Variants in GLOD4 observed in about 807,000 individuals in gnomAD.
GLOD4 encodes the protein glyoxalase domain containing 4, also known as glyoxalase domain-containing protein 4.
Under a neutral mutation model 39.1 loss-of-function variants are expected in GLOD4, and 44 were observed. The ratio of observed to expected loss-of-function variants is 1.13; its 90% CI spans 0.88 to 1.45. The LOEUF is 1.45. Among genes scored for constraint, GLOD4 ranks in the 40% most tolerant of loss-of-function variants. GLOD4 has a pLI of 0.00. For missense variants in GLOD4, 405 were observed against 366.4 expected, an observed-to-expected ratio of 1.11 and a Z score of -0.86; for synonymous variants, 145 against 135.0, an observed-to-expected ratio of 1.07 and a Z score of -0.52.
upstream of GLOD4, chr17:783,527 G>T: frequency 2.3e-6 from 1 of 436,470 alleles, no homozygotes. Context: ...AGTAGAGGTG[G>T]GGTTTCACCA....
upstream of GLOD4, among the ~76,000 whole-genome samples, chr17:785,797 A>C (rs1158858433): frequency 6.6e-6 from 1 of 152,250 alleles, no homozygotes; most frequent in African/African-American, 2.4e-5. Flanking sequence ...ATGAGTGATA[A>C]AGGAAAGATA....
At chr17:780,773 A>C (rs1909782022) in intron 1 of GLOD4, 1 of 152,960 alleles carries the variant, frequency 6.5e-6, no homozygotes. Flanking sequence ...AGTCAACTCG[A>C]ATACAAGGTC....
intron 8 of GLOD4, among the ~76,000 whole-genome samples, chr17:768,053 TGA>T (rs1188943178): frequency 5.1e-5 from 7 of 138,262 alleles, no homozygotes; most frequent in East Asian, 2.3e-4. Context: ...GGAGAGGACG[TGA>T]GAGAGAGAAA....
chr17:761,235 G>A (rs1382543985), intron 8 of GLOD4, among the ~76,000 whole-genome samples: 2 of 152,122 alleles, frequency 1.3e-5, no homozygotes, highest in African/African-American at 4.8e-5. Context: ...AAGATGAGGT[G>A]GCAATTGAAA....
rs1233523968 is a variant in GLOD4, at chr17:759,709, G to C, written c.*464C>G. On this transcript the variant is annotated 3_prime_UTR_variant, in exon 9 of 9. Transcript: ENST00000301329. ...AAAATTTCTTTAAAAAATTTAAAACGTCAAAACCTGCCAGAATAAGACAAT... is the reference window on the plus strand; with the variant it reads ...AAAATTTCTTTAAAAAATTTAAAACCTCAAAACCTGCCAGAATAAGACAAT... The C allele has an allele frequency of 6.5e-6, 1 of 152,810 alleles. No individual in the cohort carries two copies. Among genetic ancestry groups the C allele is most frequent in the African/African-American group, 2.4e-5 (1 of 41,406 alleles). 9.5% of individuals were successfully genotyped at this position (152,810 alleles called of 1,614,324 possible).
intron 2 of GLOD4, chr17:778,363 G>C: frequency 2.3e-6 from 1 of 438,588 alleles, no homozygotes. Flanking sequence ...GGTAGAGTCA[G>C]AATCAATTAA....
intron 4 of GLOD4, among the ~76,000 whole-genome samples, chr17:771,833 T>C (rs576733815): frequency 4.6e-5 from 7 of 152,046 alleles, no homozygotes; most frequent in African/African-American, 1.7e-4. Context: ...GGCAAAACCC[T>C]GTCTCTACTA....
chr17:763,311 C>G (rs1905857143), intron 8 of GLOD4, among the ~76,000 whole-genome samples: 1 of 152,006 alleles, frequency 6.6e-6, no homozygotes, highest in Non-Finnish European at 1.5e-5. Context: ...AGTTCGAGAC[C>G]AGCCTAGCCA....
chr17:777,357 G>A (rs929115387), intron 2 of GLOD4: 2 of 186,608 alleles, frequency 1.1e-5, no homozygotes, highest in African/African-American at 4.6e-5. Flanking sequence ...AAGCTTAAGA[G>A]ATGGACGGGC....
At chr17:781,730 T>C (rs1909996261) in intron 1 of GLOD4, 1 of 161,328 alleles carries the variant, frequency 6.2e-6, no homozygotes, top group Non-Finnish European at 1.4e-5. Context: ...AGAGACTGAG[T>C]ATCCGAAACG....
chr17:766,158 C>T (rs995269490), intron 8 of GLOD4, among the ~76,000 whole-genome samples: 4 of 151,782 alleles, frequency 2.6e-5, no homozygotes, highest in Non-Finnish European at 4.4e-5. Flanking sequence ...ATTAGCCAGG[C>T]ATGGTGGCGC....
At chr17:768,346 A>C (rs1271918706) in intron 8 of GLOD4, among the ~76,000 whole-genome samples, 4 of 149,094 alleles carry the variant, frequency 2.7e-5, no homozygotes, top group African/African-American at 1.0e-4. Context: ...AGAGAGAAAC[A>C]GCGCGCACTC....
chr17:772,187 G>GAAAAAAAAAAAAAAAAAAA (rs58914913), intron 4 of GLOD4, among the ~76,000 whole-genome samples: 5 of 50,870 alleles, frequency 9.8e-5, no homozygotes, highest in Non-Finnish European at 1.0e-4. Context: ...ACCCTATCTC[G>GAAAAAAAAAAAAAAAAAAA]AAAAAAAAAA....
At chr17:775,041 G>A (rs1234630473) in intron 4 of GLOD4, among the ~76,000 whole-genome samples, 1 of 150,470 alleles carries the variant, frequency 6.6e-6, no homozygotes, top group East Asian at 1.9e-4. Context: ...CTGCACTCTA[G>A]CCTGGGCGAC....
chr17:763,720 T>C (rs1905953662), intron 8 of GLOD4: 1 of 152,162 alleles, frequency 6.6e-6, no homozygotes, highest in South Asian at 2.1e-4. Flanking sequence ...TATGTAATAT[T>C]ACTGGAAGAA....
chr17:763,555 A>G (rs999854165), intron 8 of GLOD4: 3 of 152,152 alleles, frequency 2.0e-5, no homozygotes, highest in African/African-American at 4.8e-5. Flanking sequence ...TAAAGCACTT[A>G]AGAACGTACC....
chr17:779,985 A>G (rs913801084), intron 1 of GLOD4, among the ~76,000 whole-genome samples: 1 of 152,082 alleles, frequency 6.6e-6, no homozygotes, highest in African/African-American at 2.4e-5. Flanking sequence ...TAACACAGTA[A>G]AACCCCATCT....
At position 768,682 on chromosome 17, in the gene GLOD4, G is replaced by A. The variant is rs537142024; in HGVS notation, c.831+1187C>T. 3.1e-4 allele frequency among the ~76,000 whole-genome samples: 44 copies of A among 139,884 alleles called. 1 individual carries two copies. The highest frequency in any genetic ancestry group is 1.1e-3 in the African/African-American group (42 of 37,708). The allele number at this position is 139,884 out of a possible 152,430, so 91.8% of individuals were successfully genotyped here. On this transcript the variant is annotated intron_variant, in intron 8 of 8. Coordinates refer to ENST00000301329, the MANE Select transcript of GLOD4 (RefSeq NM_016080.4). ...AGAGGACGTGAGAGGGAGAAACAGC[G>A]CGCACTCAGATTTTTAGAGGAAGAA...
chr17:773,509 G>GGTGTGT (rs145865391), intron 4 of GLOD4, among the ~76,000 whole-genome samples: 4,694 of 152,064 alleles, frequency 0.031, 115 homozygotes, highest in African/African-American at 0.06. Flanking sequence ...TGGGTACATG[G>GGTGTGT]GTGTGTGTGT....
Sources: allele counts gnomAD v4.1 joint callset (sites outside exome capture counted in the v4.1 genomes callset), GRCh38; gene constraint gnomAD v4.1.1; transcripts MANE v1.5; gene names NCBI Gene and HGNC (gene_info 2026-07-23, HGNC 2026-07-21).